Variants in TLN1 observed in about 807,000 individuals in gnomAD.
TLN1 encodes talin-1.
In TLN1, 56 loss-of-function variants were observed where a neutral mutation model predicts 292.3. The observed-to-expected ratio is 0.19, with a 90% confidence interval of 0.15 to 0.24. The LOEUF (loss-of-function observed/expected upper bound fraction) is 0.24, where lower values mean the gene tolerates loss of function less well. TLN1 is among the 10% of genes least tolerant of loss of function. The probability of loss-of-function intolerance (pLI) is 1.00; values close to 1 mark genes in which losing one functional copy is unlikely to be tolerated. For synonymous variants in TLN1, 1,119 were observed against 1,253.7 expected, an observed-to-expected ratio of 0.89 and a Z score of 2.27; for missense variants, 2,433 against 3,248.2, an observed-to-expected ratio of 0.75 and a Z score of 6.10.
intron 34 of TLN1, 125 bp downstream of exon 34, chr9:35,708,216 A>C: frequency 8.1e-7 from 1 of 1,232,350 alleles, no homozygotes; most frequent in Admixed American, 2.6e-5. Context: ...CCCAAAAAGA[A>C]GCTGTGTGTG....
Position 35,708,484 on chromosome 9 carries a change from C to A in TLN1, c.4327G>T (p.Ala1443Ser). Reference sequence around the variant, plus strand: ...TCAGAGACACCAACCAGATATGCAGCCTGGGAAGAGAAAAGGGGGTGGGGG... The same window carrying A: ...TCAGAGACACCAACCAGATATGCAGACTGGGAAGAGAAAAGGGGGTGGGGG... ...LCGFTEAAAQAAYLVGVSDPN... is the reference protein window; with the variant it reads ...LCGFTEAAAQSAYLVGVSDPN... The change falls in exon 34 of 57, where the codon GCT (alanine) becomes TCT (serine). Residue 1443 changes from alanine (A) to serine (S), a missense_variant and splice_region_variant. By Grantham distance (99) the Ala-to-Ser change is moderately conservative. Coordinates refer to ENST00000314888, the MANE Select transcript of TLN1 (RefSeq NM_006289.4). 1 of 1,561,296 alleles carries A rather than the reference C, an allele frequency of 6.4e-7. No individual in the cohort carries two copies. Among genetic ancestry groups the A allele is most frequent in the Admixed American group, 1.8e-5 (1 of 54,286 alleles).
At position 35,717,828 on chromosome 9, in the gene TLN1, G is replaced by C; in HGVS notation, c.1996-42C>G. On this transcript the variant is annotated intron_variant, in intron 17 of 56. Transcript: ENST00000314888. The surrounding 1 kb of genome is among the most constrained non-coding windows in gnomAD (Gnocchi z 4.7). The stretch of plus-strand genomic sequence containing the variant: ...GTTAGCATGACCTGAGATTGGGCTT[G>C]GGATTCACAGACACTTCTCAGAGGC... The C allele has an allele frequency of 6.4e-7, 1 of 1,572,018 alleles. No homozygotes were observed. The highest frequency in any genetic ancestry group is 8.7e-7 in the Non-Finnish European group (1 of 1,151,902).
Position 35,706,432 on chromosome 9 carries a change from A to G in TLN1, c.5190+18T>C, listed in dbSNP as rs373214393. 3.1e-6 allele frequency: 5 copies of G among 1,614,068 alleles called. No individual in the cohort carries two copies. The highest frequency in any genetic ancestry group is 3.4e-6 in the Non-Finnish European group (4 of 1,179,974). Reference sequence around the variant, plus strand: ...CTCACCCTACTCCCTGGGACTTCCCATGAGTCTCCATAGGTACCTTGTGTC... The same window carrying G: ...CTCACCCTACTCCCTGGGACTTCCCGTGAGTCTCCATAGGTACCTTGTGTC... On this transcript the variant is annotated intron_variant, in intron 39 of 56. Coordinates refer to ENST00000314888, the MANE Select transcript of TLN1 (RefSeq NM_006289.4). This position sits in a 1 kb window ranked among gnomAD's most constrained non-coding sequence, Gnocchi z 4.2.
rs557591653 is a variant in TLN1, at chr9:35,699,236, C to G, written c.6875-80G>C. 21 of 1,560,786 alleles carry G rather than the reference C, an allele frequency of 1.3e-5. No homozygotes were observed. Among genetic ancestry groups the G allele is most frequent in the Non-Finnish European group, 5.2e-6 (6 of 1,151,936 alleles). On this transcript the variant is annotated intron_variant, in intron 51 of 56. Transcript: ENST00000314888. This position sits in a 1 kb window ranked among gnomAD's most constrained non-coding sequence, Gnocchi z 4.0. Reference sequence around the variant, plus strand: ...CACCAGGGAGCATGGTTAGTATCATCAGGCCCTGGCATCTGTGGGGACTAT... The same window carrying G: ...CACCAGGGAGCATGGTTAGTATCATGAGGCCCTGGCATCTGTGGGGACTAT...
chr9:35,711,861 G>T, intron 28 of TLN1, 69 bp from the exon 29 acceptor site: 1 of 1,604,460 alleles, frequency 6.2e-7, no homozygotes. Context: ...GGTAAAGGAG[G>T]GCTGAAAAGG....
At chr9:35,725,051 G>A in intron 3 of TLN1, 92 bp from the exon 4 acceptor site, 1 of 1,590,266 alleles carries the variant, frequency 6.3e-7, no homozygotes, top group Non-Finnish European at 8.6e-7. Flanking sequence ...GTGGAGCACT[G>A]AAAGGAAGAC....
intron 1 of TLN1, 58 bp from the exon 2 acceptor site, chr9:35,725,785 C>A: frequency 6.6e-7 from 1 of 1,511,614 alleles, no homozygotes; most frequent in Non-Finnish European, 9.0e-7. Flanking sequence ...AGAGGCCCCC[C>A]AGATGGTGGA....
rs760040059 is a variant in TLN1, at chr9:35,722,185, G to C, written c.882C>G (p.Ala294=). The change falls in exon 9 of 57, where the codon GCC becomes GCG. Residue 294 remains alanine, a synonymous_variant. Transcript: ENST00000314888. ...GGGCTAGCTTCACGTAGCGGACCTT[G>C]GCCTCAATCTCACTCATCTGCCCAC... ...KNCGQMSEIE[A]KVRYVKLARS... 3 of 1,614,106 alleles carry C rather than the reference G, an allele frequency of 1.9e-6. No individual in the cohort carries two copies. In the African/African-American group the frequency reaches 4.0e-5, roughly 22 times the overall value.
intron 9 of TLN1, 131 bp downstream of exon 9, chr9:35,721,988 G>C: frequency 8.7e-7 from 1 of 1,148,238 alleles, no homozygotes; most frequent in Non-Finnish European, 1.3e-6. Flanking sequence ...CATGAGGTCA[G>C]AGCAAGGAAG....
Position 35,721,887 on chromosome 9 carries a change from G to C in TLN1, c.949-84C>G. On this transcript the variant is annotated intron_variant, in intron 9 of 56. Coordinates refer to ENST00000314888, the MANE Select transcript of TLN1 (RefSeq NM_006289.4). ...ATCAGATCAGCTTGCAGCCATAGGG[G>C]ATGTTGAGGTGGCCGGGAGGGCTAA... 1.9e-6 allele frequency: 3 copies of C among 1,550,706 alleles called. No homozygotes were observed. The African/African-American group carries it at 4.1e-5, about 21-fold the overall frequency.
rs573350200 is a variant in TLN1 at position 35,711,936 on chromosome 9, G to A, written c.3681+69C>T. ...GGGAAGTCAGGGTCAAAGGACAACCGAGAGGGAGGAAGGAGAGGCCTGGCA... is the reference window on the plus strand; with the variant it reads ...GGGAAGTCAGGGTCAAAGGACAACCAAGAGGGAGGAAGGAGAGGCCTGGCA... On this transcript the variant is annotated intron_variant, in intron 28 of 56. Transcript: ENST00000314888. 783 of 1,598,356 alleles carry A rather than the reference G, an allele frequency of 4.9e-4. 10 individuals carry two copies. In the South Asian group the frequency reaches 8.1e-3, roughly 17 times the overall value.
At chr9:35,711,902 G>A (rs1825676514) in intron 28 of TLN1, 103 bp downstream of exon 28, 6 of 1,593,200 alleles carry the variant, frequency 3.8e-6, no homozygotes, top group Non-Finnish European at 5.1e-6. Context: ...AATGAAAGGG[G>A]ACAGATCTGG....
Position 35,698,037 on chromosome 9 carries a change from A to G in TLN1, c.7500+7T>C. 5 of 1,614,122 alleles carry G rather than the reference A, an allele frequency of 3.1e-6. No homozygotes were observed. The highest frequency in any genetic ancestry group is 4.2e-6 in the Non-Finnish European group (5 of 1,180,016). ...CAGCGTCCCTCAGCATCTGGGGTGA[A>G]GCTCACCTGGGCAATGCCGCCAACC... On this transcript the variant is annotated splice_region_variant and intron_variant, in intron 56 of 56. Coordinates refer to ENST00000314888, the MANE Select transcript of TLN1 (RefSeq NM_006289.4). This position sits in a 1 kb window ranked among gnomAD's most constrained non-coding sequence, Gnocchi z 5.3.
chr9:35,712,177 G>A (rs1297141428), intron 27 of TLN1, 53 bp from the exon 28 acceptor site: 7 of 1,575,518 alleles, frequency 4.4e-6, no homozygotes, highest in African/African-American at 1.4e-5. Context: ...TTGAGAGATC[G>A]CCTCCATTCA....
Position 35,697,694 on chromosome 9 carries a change from C to A in TLN1, c.*97G>T. 1 of 1,539,116 alleles carries A rather than the reference C, an allele frequency of 6.5e-7. No homozygotes were observed. ...GGTTTGGCAGGCACTTTGGGGAGTG[C>A]TGGGGTTGGGCAGGTTGGGCCCCGA... is the stretch of plus-strand genomic sequence containing the variant. On this transcript the variant is annotated 3_prime_UTR_variant, in exon 57 of 57. Transcript: ENST00000314888.
In TLN1 at chr9:35,704,929, A is replaced by G; in HGVS notation, c.5734-114T>C. 1 of 1,280,408 alleles carries G rather than the reference A, an allele frequency of 7.8e-7. No individual in the cohort carries two copies. The highest frequency in any genetic ancestry group is 1.5e-5 in the South Asian group (1 of 67,684). The allele number at this position is 1,280,408 out of a possible 1,614,324, so 79.3% of individuals were successfully genotyped here. A position where few individuals can be genotyped will look rare whatever the true frequency, so the allele number is the denominator to read the frequency against. On this transcript the variant is annotated intron_variant, in intron 43 of 56. Coordinates refer to ENST00000314888, the MANE Select transcript of TLN1 (RefSeq NM_006289.4). This position sits in a 1 kb window ranked among gnomAD's most constrained non-coding sequence, Gnocchi z 6.9. ...AAAAACATGCATTGTAGACTAAAGAAGCAGAGAGAGAAGGTTCCCAGCACA... is the reference window on the plus strand; with the variant it reads ...AAAAACATGCATTGTAGACTAAAGAGGCAGAGAGAGAAGGTTCCCAGCACA...
intron 20 of TLN1, among the ~76,000 whole-genome samples, 198 bp downstream of exon 20, chr9:35,716,190 TAA>T (rs11443679): frequency 2.2e-4 from 25 of 112,378 alleles, no homozygotes; most frequent in Non-Finnish European, 2.0e-4. Context: ...ACCACATCTT[TAA>T]AAAAAAAAAA....
Position 35,698,344 on chromosome 9 carries a change from C to G in TLN1, c.7350G>C (p.Ser2450=). The G allele has an allele frequency of 6.2e-7, 1 of 1,614,162 alleles. No homozygotes were observed. Among genetic ancestry groups the G allele is most frequent in the Non-Finnish European group, 8.5e-7 (1 of 1,180,010 alleles). The change falls in exon 55 of 57, where the codon TCG becomes TCC. Residue 2450 remains serine, a synonymous_variant. Transcript: ENST00000314888. This position sits in a 1 kb window ranked among gnomAD's most constrained non-coding sequence, Gnocchi z 5.3. ...TCACCTGAAGTCGTTTCATTGCCTCCGAGTCCTGGTCAGCCTTGACCTTGC... is the reference window on the plus strand; with the variant it reads ...TCACCTGAAGTCGTTTCATTGCCTCGGAGTCCTGGTCAGCCTTGACCTTGC... ...VACKVKADQD[S]EAMKRLQAAG...
At chr9:35,718,666 G>A in intron 17 of TLN1, 146 bp downstream of exon 17, 1 of 664,422 alleles carries the variant, frequency 1.5e-6, no homozygotes, top group Non-Finnish European at 2.7e-6. Flanking sequence ...AGAGAGATCA[G>A]AAGTTACTAG....
Sources: gnomAD v4.1 joint callset for allele counts (sites outside exome capture counted in the v4.1 genomes callset) on GRCh38, gnomAD v4.1.1 for gene constraint, Gnocchi (gnomAD v3.1) non-coding constraint, MANE v1.5 for transcripts, NCBI Gene and HGNC (gene_info 2026-07-23, HGNC 2026-07-21) for gene names.